The following TANC1 variants were observed in gnomAD, a reference collection of about 807,000 sequenced individuals.
The protein encoded by TANC1 is protein TANC1.
Under a neutral mutation model 149.7 loss-of-function variants are expected in TANC1, and 77 were observed. The ratio of observed to expected loss-of-function variants is 0.51; its 90% CI spans 0.43 to 0.62. The LOEUF (loss-of-function observed/expected upper bound fraction) is 0.62. Among genes scored for constraint, TANC1 ranks in the 20% least tolerant of loss-of-function variants. The probability of loss-of-function intolerance (pLI) is 0.00; values close to 1 mark genes in which losing one functional copy is unlikely to be tolerated. For synonymous variants in TANC1, 854 were observed against 925.0 expected, an observed-to-expected ratio of 0.92 and a Z score of 1.39; for missense variants, 1,985 against 2,321.8, an observed-to-expected ratio of 0.85 and a Z score of 2.98.
At chr2:159,193,814 C>G (rs58360644) in intron 16 of TANC1, among the ~76,000 whole-genome samples, 1,689 of 152,282 alleles carry the variant, frequency 0.011, 32 homozygotes, top group African/African-American at 0.037. Context: ...AGCCACCGCA[C>G]CTGGCCTCTA....
rs532512118 is a variant in TANC1, at chr2:159,103,039, A to T, written c.259+5205A>T. On this transcript the variant is annotated intron_variant, in intron 4 of 26. Transcript: ENST00000263635. ...AGCCAGATACTTACTTTTTAAAAAAATTTTTAGCATGTTATAATGTTTTCG... is the reference window on the plus strand; with the variant it reads ...AGCCAGATACTTACTTTTTAAAAAATTTTTTAGCATGTTATAATGTTTTCG... 1.2e-4 allele frequency among the ~76,000 whole-genome samples: 11 copies of T among 95,428 alleles called. 5 individuals carry two copies. Among genetic ancestry groups the T allele is most frequent in the Non-Finnish European group, 2.3e-4 (8 of 34,308 alleles). The allele number at this position is 95,428 out of a possible 152,430, so 62.6% of individuals were successfully genotyped here.
At chr2:159,066,755 A>G (rs1476234119) in intron 3 of TANC1, among the ~76,000 whole-genome samples, 1 of 152,218 alleles carries the variant, frequency 6.6e-6, no homozygotes, top group Non-Finnish European at 1.5e-5. Flanking sequence ...TTTCATTATA[A>G]TGAGAACTAC....
chr2:159,036,992 C>G (rs1035634911), intron 2 of TANC1, among the ~76,000 whole-genome samples: 2 of 152,162 alleles, frequency 1.3e-5, no homozygotes, highest in Non-Finnish European at 2.9e-5. Context: ...TAAAAGTGTT[C>G]CTGTTTCTCC....
At chr2:159,218,885 G>T (rs968169988) in intron 20 of TANC1, among the ~76,000 whole-genome samples, 2 of 152,132 alleles carry the variant, frequency 1.3e-5, no homozygotes, top group African/African-American at 4.8e-5. Context: ...CCCCATGACC[G>T]CTGCTCGCCC....
intron 2 of TANC1, among the ~76,000 whole-genome samples, chr2:159,029,928 GTCC>G (rs201247291): frequency 6.6e-6 from 1 of 152,124 alleles, no homozygotes; most frequent in East Asian, 1.9e-4. Flanking sequence ...TTCTCAAGCA[GTCC>G]TCCTGCTTTG....
intron 4 of TANC1, among the ~76,000 whole-genome samples, chr2:159,101,087 C>T (rs1201833504): frequency 6.6e-6 from 1 of 152,160 alleles, no homozygotes; most frequent in Non-Finnish European, 1.5e-5. Context: ...ACATGTGCTC[C>T]GAAACTACCT....
At chr2:158,983,359 C>G (rs900654594) in intron 1 of TANC1, among the ~76,000 whole-genome samples, 1 of 149,552 alleles carries the variant, frequency 6.7e-6, no homozygotes, top group Non-Finnish European at 1.5e-5. Context: ...CCCAGCTACT[C>G]GGGAGGCTGA....
chr2:159,143,551 CAAAAAAAAAAAAAA>C (rs56992262), intron 5 of TANC1, among the ~76,000 whole-genome samples: 8 of 67,298 alleles, frequency 1.2e-4, no homozygotes, highest in South Asian at 1.9e-3. Flanking sequence ...GACCCCATCT[CAAAAAAAAAAAAAA>C]AAAAAAAAAA....
At position 159,010,672 on chromosome 2, in the gene TANC1, C is replaced by T. The variant is rs542278770; in HGVS notation, c.-16+9483C>T. On this transcript the variant is annotated intron_variant, in intron 2 of 26. Coordinates refer to ENST00000263635, the MANE Select transcript of TANC1 (RefSeq NM_033394.3). ...CCAAATCCTATTTCAAGGATGTGGACGGACAGGAGACTACATTCAGAACTA... is the reference window on the plus strand; with the variant it reads ...CCAAATCCTATTTCAAGGATGTGGATGGACAGGAGACTACATTCAGAACTA... 9.1e-5 allele frequency among the ~76,000 whole-genome samples: 6 copies of T among 65,774 alleles called. No individual in the cohort carries two copies. In the South Asian group the frequency reaches 2.3e-3, roughly 26 times the overall value. 43.2% of individuals were successfully genotyped at this position (65,774 alleles called of 152,430 possible).
At chr2:159,015,695 G>C (rs539118027) in intron 2 of TANC1, among the ~76,000 whole-genome samples, 1 of 152,202 alleles carries the variant, frequency 6.6e-6, no homozygotes, top group South Asian at 2.1e-4. Context: ...AATTTTTTCT[G>C]TCAGATACCC....
Position 159,219,977 on chromosome 2 carries a change from A to AGTGTGT in TANC1, c.3678+149_3678+154dup, listed in dbSNP as rs760037919. On this transcript the variant is annotated intron_variant, in intron 22 of 26. Transcript: ENST00000263635. The stretch of plus-strand genomic sequence containing the variant: ...AGGTTGTGTCTCAGTGTCATCAGAG[A>AGTGTGT]GTGTGTGTGTGTGTGTGTGTGTGTG... 1.2e-3 allele frequency: 682 copies of AGTGTGT among 560,514 alleles called. 1 individual carries two copies. The highest frequency in any genetic ancestry group is 3.1e-3 in the East Asian group (93 of 30,148). 34.7% of individuals were successfully genotyped at this position (560,514 alleles called of 1,614,324 possible).
intron 2 of TANC1, among the ~76,000 whole-genome samples, chr2:159,011,883 G>A (rs1056438630): frequency 1.3e-5 from 2 of 152,188 alleles, no homozygotes; most frequent in African/African-American, 4.8e-5. Context: ...GGGCCAGAAG[G>A]CTGACCAGAC....
intron 3 of TANC1, among the ~76,000 whole-genome samples, chr2:159,079,948 C>T (rs964050514): frequency 6.6e-5 from 10 of 152,242 alleles, no homozygotes; most frequent in African/African-American, 1.9e-4. Context: ...AGAAGTTTAA[C>T]GAATTTTTAA....
intron 3 of TANC1, among the ~76,000 whole-genome samples, chr2:159,089,846 C>T (rs1018642724): frequency 6.6e-6 from 1 of 152,236 alleles, no homozygotes; most frequent in Non-Finnish European, 1.5e-5. Flanking sequence ...TAGTCAGCTG[C>T]AAACAAGCTT....
In TANC1 at chr2:159,084,938, A is replaced by G. The variant is rs761424687; in HGVS notation, c.62-12699A>G. ...TGCCACTTTCAGGGTAGGGGATCCTAGGCAACTTAGCCCTCCTCCAAGCCT... is the reference window on the plus strand; with the variant it reads ...TGCCACTTTCAGGGTAGGGGATCCTGGGCAACTTAGCCCTCCTCCAAGCCT... On this transcript the variant is annotated intron_variant, in intron 3 of 26. Transcript: ENST00000263635. Among the ~76,000 whole-genome samples, 168 of 152,156 alleles carry G rather than the reference A, an allele frequency of 1.1e-3. 2 individuals carry two copies. Among genetic ancestry groups the G allele is most frequent in the Non-Finnish European group, 1.1e-3 (73 of 68,004 alleles).
At chr2:158,993,092 G>A (rs1289513588) in intron 1 of TANC1, among the ~76,000 whole-genome samples, 1 of 152,042 alleles carries the variant, frequency 6.6e-6, no homozygotes, top group African/African-American at 2.4e-5. Context: ...GTTCCTTCTG[G>A]GCTTTATAAC....
At chr2:159,210,048 C>CGCCCT (rs373988084) in intron 19 of TANC1, among the ~76,000 whole-genome samples, 46 of 152,282 alleles carry the variant, frequency 3.0e-4, no homozygotes, top group African/African-American at 9.1e-4. Flanking sequence ...AGAGCCCAGC[C>CGCCCT]GCCCTGCCCT....
intron 2 of TANC1, among the ~76,000 whole-genome samples, chr2:159,015,625 T>C (rs1031468259): frequency 6.6e-6 from 1 of 152,172 alleles, no homozygotes; most frequent in Non-Finnish European, 1.5e-5. Context: ...CTGCTTCCCT[T>C]ATAAAACTGG....
At chr2:159,205,363 G>A (rs1026027715) in intron 19 of TANC1, among the ~76,000 whole-genome samples, 1 of 152,154 alleles carries the variant, frequency 6.6e-6, no homozygotes, top group African/African-American at 2.4e-5. Context: ...GCTGTTCTTT[G>A]GTAAGAATGT....
Sources: allele counts gnomAD v4.1 joint callset (sites outside exome capture counted in the v4.1 genomes callset), GRCh38; gene constraint gnomAD v4.1.1; transcripts MANE v1.5; gene names NCBI Gene and HGNC (gene_info 2026-07-23, HGNC 2026-07-21).